The following CFHR3 variants were observed in gnomAD, a reference collection of about 807,000 sequenced individuals.
CFHR3 encodes complement factor H related 3.
Under a neutral mutation model 36.0 loss-of-function variants are expected in CFHR3, and 22 were observed. The observed-to-expected ratio is 0.61, with a 90% CI of 0.44 to 0.87. The LOEUF (loss-of-function observed/expected upper bound fraction) is 0.87. Ranked by LOEUF, CFHR3 falls within the 40% of genes least tolerant of loss-of-function variation. CFHR3 has a pLI of 0.00. For synonymous variants in CFHR3, 97 were observed against 137.4 expected (o/e 0.71, Z 2.06); for missense variants, 276 against 401.3 (o/e 0.69, Z 2.67).
intron 2 of CFHR3, among the ~76,000 whole-genome samples, 173 bp downstream of exon 2, chr1:196,779,529 A>T (rs1269052391): frequency 7.3e-6 from 1 of 137,190 alleles, no homozygotes; most frequent in East Asian, 1.9e-4. Context: ...CTTGAAAATC[A>T]TATGAAAAAT....
intron 1 of CFHR3, among the ~76,000 whole-genome samples, chr1:196,776,530 C>T (rs1573104177): frequency 1.5e-5 from 2 of 136,400 alleles, no homozygotes; most frequent in Non-Finnish European, 3.1e-5. Context: ...CAGGTGGGTC[C>T]TACTCCAATA....
rs1654514554 is a variant in CFHR3 at position 196,794,083 on chromosome 1, A to C, written c.*570A>C. On this transcript the variant is annotated 3_prime_UTR_variant, in exon 6 of 6. Coordinates refer to ENST00000367425, the MANE Select transcript of CFHR3 (RefSeq NM_021023.6). ...ATTATCATTTTCCTGTGAAAAAAGA[A>C]AAGAGGTTTTGCTAACCCTTTCAGA... 1 of 141,628 alleles carries C rather than the reference A, an allele frequency of 7.1e-6. No individual in the cohort carries two copies. Among genetic ancestry groups the C allele is most frequent in the Admixed American group, 6.7e-5 (1 of 14,882 alleles). The allele number at this position is 141,628 out of a possible 1,614,324, so 8.8% of individuals were successfully genotyped here. A position where few individuals can be genotyped will look rare whatever the true frequency, so the allele number is the denominator to read the frequency against.
At chr1:196,780,476 G>A (rs1260432172) in intron 3 of CFHR3, among the ~76,000 whole-genome samples, 1 of 137,348 alleles carries the variant, frequency 7.3e-6, no homozygotes, top group Non-Finnish European at 1.5e-5. Context: ...AAATGGTATA[G>A]CATTGTAATG....
Position 196,785,819 on chromosome 1 carries a change from C to T in CFHR3, c.431-2397C>T, listed in dbSNP as rs186139500. ...TTCTCAACTCGTCAAAGTCATTCTCCGTCCAGCTTTGTTCCGTTGCTGGTG... is the reference window on the plus strand; with the variant it reads ...TTCTCAACTCGTCAAAGTCATTCTCTGTCCAGCTTTGTTCCGTTGCTGGTG... On this transcript the variant is annotated intron_variant, in intron 3 of 5. Coordinates refer to ENST00000367425, the MANE Select transcript of CFHR3 (RefSeq NM_021023.6). 6.5e-5 allele frequency among the ~76,000 whole-genome samples: 9 copies of T among 137,540 alleles called. 2 individuals carry two copies. The highest frequency in any genetic ancestry group is 1.4e-4 in the Admixed American group (2 of 14,262). 90.2% of individuals were successfully genotyped at this position (137,540 alleles called of 152,430 possible). A position where few individuals can be genotyped will look rare whatever the true frequency, so the allele number is the denominator to read the frequency against.
chr1:196,779,948 T>G lies in CFHR3; in HGVS notation c.405T>G (p.Ser135=). 6.5e-7 allele frequency: 1 copy of G among 1,533,306 alleles called. No individual in the cohort carries two copies. 95.0% of individuals were successfully genotyped at this position (1,533,306 alleles called of 1,614,324 possible). ...TTVTCTEKGW[S]PTPRCIRVRT... is the part of the protein sequence containing the mutation. ...TTACATGTACGGAGAAAGGCTGGTCTCCTACTCCCAGATGCATCCGTGTCA... is the reference window on the plus strand; with the variant it reads ...TTACATGTACGGAGAAAGGCTGGTCGCCTACTCCCAGATGCATCCGTGTCA... The change falls in exon 3 of 6, where the codon TCT becomes TCG. Residue 135 remains serine, a synonymous_variant. Transcript: ENST00000367425.
chr1:196,793,196 A>G lies in CFHR3; in HGVS notation c.797-121A>G, dbSNP rs1167898914. On this transcript the variant is annotated intron_variant, in intron 5 of 5. Coordinates refer to ENST00000367425, the MANE Select transcript of CFHR3 (RefSeq NM_021023.6). ...ACGTCAGTATGTAGCACAAGTTAAT[A>G]ACTATTAACTATTTGGATTATTTTA... 5.2e-6 allele frequency: 5 copies of G among 968,820 alleles called. 1 individual carries two copies. Among genetic ancestry groups the G allele is most frequent in the Non-Finnish European group, 5.7e-6 (4 of 704,106 alleles). The allele number at this position is 968,820 out of a possible 1,614,324, so 60.0% of individuals were successfully genotyped here.
In CFHR3 at chr1:196,779,065, G is replaced by T. The variant is rs1392313728; in HGVS notation, c.59-97G>T. 4.1e-6 allele frequency: 4 copies of T among 986,940 alleles called. 1 individual carries two copies. The highest frequency in any genetic ancestry group is 5.9e-6 in the Non-Finnish European group (4 of 676,556). 61.1% of individuals were successfully genotyped at this position (986,940 alleles called of 1,614,324 possible). On this transcript the variant is annotated intron_variant, in intron 1 of 5. Transcript: ENST00000367425. Reference sequence around the variant, plus strand: ...AGTTATGGTTGCTGTAATTCCACAAGAAAATGTTTGAGAGAAGGTGATATC... The same window carrying T: ...AGTTATGGTTGCTGTAATTCCACAATAAAATGTTTGAGAGAAGGTGATATC...
intron 3 of CFHR3, among the ~76,000 whole-genome samples, chr1:196,780,379 C>A (rs1460705436): frequency 2.9e-5 from 4 of 137,344 alleles, no homozygotes; most frequent in Non-Finnish European, 6.2e-5. Context: ...TTCAAATATA[C>A]ATTTATATAA....
At chr1:196,792,518 AC>A (rs1469494966) in intron 5 of CFHR3, among the ~76,000 whole-genome samples, 1 of 111,574 alleles carries the variant, frequency 9.0e-6, no homozygotes, top group Non-Finnish European at 1.7e-5. Context: ...CTGCACATGT[AC>A]CCTGGAACTT....
intron 4 of CFHR3, chr1:196,788,960 G>C (rs1654317096): frequency 1.2e-5 from 16 of 1,346,938 alleles, no homozygotes; most frequent in Non-Finnish European, 1.5e-5. Flanking sequence ...TGGGTGGGCT[G>C]AATGTTTACA....
rs149347641 is a variant in CFHR3 at position 196,790,151 on chromosome 1, G to C, written c.720G>C (p.Gln240His). 1.7e-3 allele frequency: 2,373 copies of C among 1,374,630 alleles called. 751 individuals are homozygous for C. In the African/African-American group the frequency reaches 0.05, roughly 29 times the overall value. The allele number at this position is 1,374,630 out of a possible 1,614,324, so 85.2% of individuals were successfully genotyped here. A position where few individuals can be genotyped will look rare whatever the true frequency, so the allele number is the denominator to read the frequency against. Residue 240 changes from glutamine (Q) to histidine (H), a missense_variant, in exon 5 of 6, where the codon CAG (glutamine) becomes CAC (histidine). By Grantham distance (24) the Gln-to-His change is conservative (BLOSUM62 0). Transcript: ENST00000367425. The part of the protein sequence containing the change: ...VPQSRVEYQC[Q>H]PYYELQGSNY... ...AGTCAAGAGTCGAGTACCAATGCCAGCCCTACTATGAACTTCAGGGTTCTA... is the reference window on the plus strand; with the variant it reads ...AGTCAAGAGTCGAGTACCAATGCCACCCCTACTATGAACTTCAGGGTTCTA...
chr1:196,789,870 T>A lies in CFHR3; in HGVS notation c.614-175T>A, dbSNP rs1558203100. The A allele has an allele frequency of 4.4e-6, 5 of 1,140,664 alleles. 1 individual carries two copies. Among genetic ancestry groups the A allele is most frequent in the Non-Finnish European group, 5.8e-6 (5 of 861,498 alleles). The allele number at this position is 1,140,664 out of a possible 1,614,324, so 70.7% of individuals were successfully genotyped here. On this transcript the variant is annotated intron_variant, in intron 4 of 5. Transcript: ENST00000367425. ...TACATATATGTACATATATATGTAGTCCTCCTATGAGTGTGAATTATCTTG... is the reference window on the plus strand; with the variant it reads ...TACATATATGTACATATATATGTAGACCTCCTATGAGTGTGAATTATCTTG...
Position 196,788,440 on chromosome 1 carries a change from G to A in CFHR3, c.613+42G>A, listed in dbSNP as rs750761913. 37 of 1,516,828 alleles carry A rather than the reference G, an allele frequency of 2.4e-5. 5 individuals carry two copies. The highest frequency in any genetic ancestry group is 1.1e-4 in the Admixed American group (6 of 55,994). The allele number at this position is 1,516,828 out of a possible 1,614,324, so 94.0% of individuals were successfully genotyped here. A position where few individuals can be genotyped will look rare whatever the true frequency, so the allele number is the denominator to read the frequency against. ...TTCCCATTCAGTTTCTGTCAACTTC[G>A]TTCCTCTCTTTGAGATGATAGTGTT... On this transcript the variant is annotated intron_variant, in intron 4 of 5. Transcript: ENST00000367425.
chr1:196,776,906 G>A (rs1452028110), intron 1 of CFHR3, among the ~76,000 whole-genome samples: 1 of 134,498 alleles, frequency 7.4e-6, no homozygotes, highest in Non-Finnish European at 1.6e-5. Context: ...TTATATCTTG[G>A]GTGTATTGTC....
At chr1:196,781,013 C>G (rs1393494509) in intron 3 of CFHR3, among the ~76,000 whole-genome samples, 1 of 110,390 alleles carries the variant, frequency 9.1e-6, no homozygotes, top group Non-Finnish European at 1.7e-5. Flanking sequence ...CATGTGTTCT[C>G]GTTGTTCAGT....
rs552864691 is a variant in CFHR3, at chr1:196,786,246, G to T, written c.431-1970G>T. ...TGCCTCCCAGTTAGGCTGCTCGGGG[G>T]TTGGGGTCAGCGACCAACTTGAGGA... is the stretch of plus-strand genomic sequence containing the variant. On this transcript the variant is annotated intron_variant, in intron 3 of 5. Coordinates refer to ENST00000367425, the MANE Select transcript of CFHR3 (RefSeq NM_021023.6). Among the ~76,000 whole-genome samples, 66 of 136,238 alleles carry T rather than the reference G, an allele frequency of 4.8e-4. 11 individuals are homozygous for T. The highest frequency in any genetic ancestry group is 9.0e-4 in the Non-Finnish European group (58 of 64,308). 89.4% of individuals were successfully genotyped at this position (136,238 alleles called of 152,430 possible).
rs188971231 is a variant in CFHR3, at chr1:196,785,602, C to T, written c.431-2614C>T. Among the ~76,000 whole-genome samples the T allele has an allele frequency of 4.6e-4, 63 of 137,316 alleles. 21 individuals are homozygous for T. The highest frequency in any genetic ancestry group is 1.8e-3 in the African/African-American group (60 of 32,958). 90.1% of individuals were successfully genotyped at this position (137,316 alleles called of 152,430 possible). On this transcript the variant is annotated intron_variant, in intron 3 of 5. Transcript: ENST00000367425. Reference sequence around the variant, plus strand: ...TTCTTCCAGATGATCACATCGGCTCCTGAGGCTTCTGTATTCTTCACGTAG... The same window carrying T: ...TTCTTCCAGATGATCACATCGGCTCTTGAGGCTTCTGTATTCTTCACGTAG...
At position 196,783,087 on chromosome 1, in the gene CFHR3, C is replaced by A. The variant is rs576432077; in HGVS notation, c.430+3114C>A. ...ATGTGGTTTTTGTCTTTGGTTCTGT[C>A]TATATGCTGGATTACATTTATTGAT... On this transcript the variant is annotated intron_variant, in intron 3 of 5. Coordinates refer to ENST00000367425, the MANE Select transcript of CFHR3 (RefSeq NM_021023.6). Among the ~76,000 whole-genome samples, 356 of 136,682 alleles carry A rather than the reference C, an allele frequency of 2.6e-3. 65 individuals carry two copies. Among genetic ancestry groups the A allele is most frequent in the Admixed American group, 5.0e-3 (71 of 14,132 alleles). 89.7% of individuals were successfully genotyped at this position (136,682 alleles called of 152,430 possible).
At chr1:196,785,106 C>T (rs9659514) in intron 3 of CFHR3, among the ~76,000 whole-genome samples, 1,483 of 135,490 alleles carry the variant, frequency 0.011, 338 homozygotes, top group African/African-American at 0.043. Flanking sequence ...GAAAATTCTT[C>T]TCTTTAAGAA....
Sources: allele counts gnomAD v4.1 joint callset (sites outside exome capture counted in the v4.1 genomes callset), GRCh38; gene constraint gnomAD v4.1.1; transcripts MANE v1.5; gene names NCBI Gene and HGNC (gene_info 2026-07-23, HGNC 2026-07-21).